HPCAL4: variants seen among roughly 807,000 people sequenced by gnomAD.
HPCAL4 encodes hippocalcin like 4.
In HPCAL4, 16 loss-of-function variants were observed where a neutral mutation model predicts 18.2. That is an observed-to-expected ratio of 0.88 (90% CI 0.59 to 1.33). The LOEUF (loss-of-function observed/expected upper bound fraction) is 1.33. Among genes scored for constraint, HPCAL4 ranks in the 40% most tolerant of loss-of-function variants. HPCAL4 has a pLI of 0.00. For missense variants in HPCAL4, 214 were observed against 256.6 expected, an observed-to-expected ratio of 0.83 and a Z score of 1.14; for synonymous variants, 80 against 97.5, an observed-to-expected ratio of 0.82 and a Z score of 1.06.
At chr1:39,690,904 GGTGCT>G (rs1646712507) in intron 1 of HPCAL4, among the ~76,000 whole-genome samples, 1 of 152,074 alleles carries the variant, frequency 6.6e-6, no homozygotes, top group Non-Finnish European at 1.5e-5. Context: ...AGTTTGCCAT[GGTGCT>G]GGGCAGACAA....
intron 1 of HPCAL4, among the ~76,000 whole-genome samples, chr1:39,689,559 G>A (rs2124201448): frequency 6.6e-6 from 1 of 152,310 alleles, no homozygotes; most frequent in East Asian, 1.9e-4. Flanking sequence ...AACCCAGCTG[G>A]GGACATGCTC....
intron 1 of HPCAL4, among the ~76,000 whole-genome samples, chr1:39,689,898 G>C (rs1464082475): frequency 6.6e-6 from 1 of 152,136 alleles, no homozygotes; most frequent in Non-Finnish European, 1.5e-5. Context: ...TCTTCCCCAA[G>C]CAGCAGCAAT....
At position 39,680,370 on chromosome 1, in the gene HPCAL4, G is replaced by A. The variant is rs1646614794; in HGVS notation, c.*2166C>T. ...AAATCCTCACCTCCATGGGATGTGA[G>A]TATAGAATGAGATGGGGCACATGGC... On this transcript the variant is annotated 3_prime_UTR_variant, in exon 4 of 4. Transcript: ENST00000372844. 6.6e-6 allele frequency: 1 copy of A among 152,202 alleles called. No individual in the cohort carries two copies. Among genetic ancestry groups the A allele is most frequent in the Non-Finnish European group, 1.5e-5 (1 of 68,038 alleles). 9.4% of individuals were successfully genotyped at this position (152,202 alleles called of 1,614,324 possible). A position where few individuals can be genotyped will look rare whatever the true frequency, so the allele number is the denominator to read the frequency against.
At chr1:39,686,326 G>A (rs1453822293) in intron 1 of HPCAL4, among the ~76,000 whole-genome samples, 1 of 152,164 alleles carries the variant, frequency 6.6e-6, no homozygotes, top group Non-Finnish European at 1.5e-5. Context: ...ACTACAGCCT[G>A]GGCGATAAAG....
chr1:39,688,701 C>G (rs894647328), intron 1 of HPCAL4, among the ~76,000 whole-genome samples: 1 of 152,174 alleles, frequency 6.6e-6, no homozygotes, highest in Non-Finnish European at 1.5e-5. Flanking sequence ...CGCCTCAGCT[C>G]TCATTGCTCA....
At position 39,681,965 on chromosome 1, in the gene HPCAL4, G is replaced by A. The variant is rs1646629778; in HGVS notation, c.*571C>T. ...CTCACAACCCTATGAGCTTCCAGAG[G>A]GCACAAGATGTGTCTTGTAAATGAC... is the stretch of plus-strand genomic sequence containing the variant. On this transcript the variant is annotated 3_prime_UTR_variant, in exon 4 of 4. Transcript: ENST00000372844. 6.5e-6 allele frequency: 1 copy of A among 153,944 alleles called. No individual in the cohort carries two copies. Among genetic ancestry groups the A allele is most frequent in the South Asian group, 2.1e-4 (1 of 4,874 alleles). The allele number at this position is 153,944 out of a possible 1,614,324, so 9.5% of individuals were successfully genotyped here.
chr1:39,688,263 T>G (rs1042194464), intron 1 of HPCAL4, among the ~76,000 whole-genome samples: 6 of 152,168 alleles, frequency 3.9e-5, no homozygotes, highest in African/African-American at 1.2e-4. Flanking sequence ...CCAGCACCTC[T>G]GAGACAGCAA....
intron 1 of HPCAL4, among the ~76,000 whole-genome samples, chr1:39,689,305 A>C (rs1442007550): frequency 6.6e-6 from 1 of 151,894 alleles, no homozygotes. Flanking sequence ...GCCTGCACAG[A>C]ACTGCTCTGT....
Position 39,678,763 on chromosome 1 carries a change from A to G in HPCAL4, c.*3773T>C, listed in dbSNP as rs1646595433. ...GCCAGAAGCAGCACATCTGGAGGGG[A>G]TAGGGGGCTACACTGGAACTGGCCT... is the stretch of plus-strand genomic sequence containing the variant. On this transcript the variant is annotated 3_prime_UTR_variant, in exon 4 of 4. Transcript: ENST00000372844. 1 of 152,346 alleles carries G rather than the reference A, an allele frequency of 6.6e-6. No individual in the cohort carries two copies. Among genetic ancestry groups the G allele is most frequent in the Non-Finnish European group, 1.5e-5 (1 of 68,250 alleles). 9.4% of individuals were successfully genotyped at this position (152,346 alleles called of 1,614,324 possible).
In HPCAL4 at chr1:39,683,919, G is replaced by GCCCGCGCGGC. The variant is rs1240094523; in HGVS notation, c.378+8_378+17dup. 6.2e-7 allele frequency: 1 copy of GCCCGCGCGGC among 1,607,168 alleles called. No individual in the cohort carries two copies. Among genetic ancestry groups the GCCCGCGCGGC allele is most frequent in the Non-Finnish European group, 8.5e-7 (1 of 1,176,136 alleles). ...AAGCGCTGGCCTCGGGAACAGCAGC[G>GCCCGCGCGGC]CCCGCGCGGCCCCGCACCTCGATGA... is the stretch of plus-strand genomic sequence containing the variant. On this transcript the variant is annotated intron_variant, in intron 3 of 3. Coordinates refer to ENST00000372844, the MANE Select transcript of HPCAL4 (RefSeq NM_016257.4).
At chr1:39,687,417 G>A (rs533674552) in intron 1 of HPCAL4, among the ~76,000 whole-genome samples, 3 of 152,346 alleles carry the variant, frequency 2.0e-5, no homozygotes, top group African/African-American at 7.2e-5. Flanking sequence ...GCTGTCTTCC[G>A]TAGGATGTGC....
chr1:39,684,192 C>G, intron 2 of HPCAL4, 40 bp from the exon 3 acceptor site: 1 of 1,164,070 alleles, frequency 8.6e-7, no homozygotes, highest in African/African-American at 1.9e-5. Flanking sequence ...GCGACAGCCC[C>G]GCCCACCCCG....
chr1:39,685,749 A>G (rs534532338), intron 1 of HPCAL4, among the ~76,000 whole-genome samples: 24 of 151,766 alleles, frequency 1.6e-4, no homozygotes, highest in South Asian at 6.3e-4. Context: ...GCGTCGTGGC[A>G]GGCGCCTGTA....
Position 39,684,548 on chromosome 1 carries a change from T to C in HPCAL4, c.56A>G (p.Asn19Ser). The C allele has an allele frequency of 6.2e-7, 1 of 1,613,350 alleles. No homozygotes were observed. The highest frequency in any genetic ancestry group is 8.5e-7 in the Non-Finnish European group (1 of 1,179,650). Residue 19 changes from asparagine to serine, a missense_variant, in exon 2 of 4, where the codon AAC (asparagine) becomes AGC (serine). Asn to Ser is a conservative substitution (Grantham distance 46). Transcript: ENST00000372844. ...APEVLEDLVQNTEFSEQELKQ... is the reference protein window; with the variant it reads ...APEVLEDLVQSTEFSEQELKQ... ...CAGCTCCTGCTCGCTGAACTCAGTG[T>C]TCTGAACAAGGTCCTCCAGCACCTC...
chr1:39,684,534 C>G lies in HPCAL4; in HGVS notation c.70G>C (p.Glu24Gln), dbSNP rs1023037696. 1.4e-5 allele frequency: 22 copies of G among 1,613,644 alleles called. No homozygotes were observed. Among genetic ancestry groups the G allele is most frequent in the Non-Finnish European group, 1.9e-5 (22 of 1,179,764 alleles). ...EDLVQNTEFS[E>Q]QELKQWYKGF... ...TTGTACCACTGCTTCAGCTCCTGCT[C>G]GCTGAACTCAGTGTTCTGAACAAGG... Residue 24 changes from glutamate (E) to glutamine (Q), a missense_variant, in exon 2 of 4, where the codon GAG becomes CAG. By Grantham distance (29) the Glu-to-Gln change is conservative. Coordinates refer to ENST00000372844, the MANE Select transcript of HPCAL4 (RefSeq NM_016257.4).
In HPCAL4 at chr1:39,683,967, G is replaced by A. The variant is rs753292996; in HGVS notation, c.348C>T (p.Ile116=). 2.5e-6 allele frequency: 4 copies of A among 1,613,748 alleles called. No homozygotes were observed. The Admixed American group carries it at 6.7e-5, about 27-fold the overall frequency. ...EMYDLDGDGR[I]TRLEMLEIIE... is the part of the protein sequence containing the mutation. ...TGATCTCCAGCATCTCCAGGCGCGT[G>A]ATGCGCCCGTCGCCGTCCAGGTCGT... Residue 116 remains isoleucine, a synonymous_variant, in exon 3 of 4, where the codon ATC becomes ATT. Transcript: ENST00000372844.
chr1:39,681,595 G>T lies in HPCAL4; in HGVS notation c.*941C>A, dbSNP rs1235348960. 1.3e-5 allele frequency: 2 copies of T among 152,110 alleles called. No homozygotes were observed. Among genetic ancestry groups the T allele is most frequent in the Non-Finnish European group, 2.9e-5 (2 of 68,016 alleles). 9.4% of individuals were successfully genotyped at this position (152,110 alleles called of 1,614,324 possible). A position where few individuals can be genotyped will look rare whatever the true frequency, so the allele number is the denominator to read the frequency against. On this transcript the variant is annotated 3_prime_UTR_variant, in exon 4 of 4. Coordinates refer to ENST00000372844, the MANE Select transcript of HPCAL4 (RefSeq NM_016257.4). Reference sequence around the variant, plus strand: ...AAAGTGTTATCTGGTAAATTTCATGGTCTTTTCTCCCTTTCTTCTCAGGTT... The same window carrying T: ...AAAGTGTTATCTGGTAAATTTCATGTTCTTTTCTCCCTTTCTTCTCAGGTT...
rs41301064 is a variant in HPCAL4 at position 39,682,088 on chromosome 1, A to C, written c.*448T>G. ...TGGGGCTGGAAGGGCCAGGTAGAGT[A>C]GAAGGGATGGGGAAGAGACCCCCTT... On this transcript the variant is annotated 3_prime_UTR_variant, in exon 4 of 4. Coordinates refer to ENST00000372844, the MANE Select transcript of HPCAL4 (RefSeq NM_016257.4). 0.077 allele frequency: 14,499 copies of C among 189,432 alleles called. 598 individuals are homozygous for C. Among genetic ancestry groups the C allele is most frequent in the Middle Eastern group, 0.17 (71 of 420 alleles). The allele number at this position is 189,432 out of a possible 1,614,324, so 11.7% of individuals were successfully genotyped here.
chr1:39,682,406 G>T lies in HPCAL4; in HGVS notation c.*130C>A. 1.3e-6 allele frequency: 1 copy of T among 762,794 alleles called. No individual in the cohort carries two copies. 47.3% of individuals were successfully genotyped at this position (762,794 alleles called of 1,614,324 possible). ...TCTTGATGGAGGGGAGGAAGGGCTT[G>T]GGCAGAGGACTGGGTGGGCCAGAGA... is the stretch of plus-strand genomic sequence containing the variant. On this transcript the variant is annotated 3_prime_UTR_variant, in exon 4 of 4. Coordinates refer to ENST00000372844, the MANE Select transcript of HPCAL4 (RefSeq NM_016257.4).
Sources: allele counts gnomAD v4.1 joint callset (sites outside exome capture counted in the v4.1 genomes callset), GRCh38; gene constraint gnomAD v4.1.1; transcripts MANE v1.5; gene names NCBI Gene and HGNC (gene_info 2026-07-23, HGNC 2026-07-21).